SNAPC3: variants seen among roughly 807,000 people sequenced by gnomAD.
SNAPC3 encodes small nuclear RNA activating complex polypeptide 3, also known as snRNA-activating protein complex subunit 3.
Under a neutral mutation model 47.7 loss-of-function variants are expected in SNAPC3, and 56 were observed. That is an observed-to-expected ratio of 1.18 (90% confidence interval 0.95 to 1.47). The LOEUF (loss-of-function observed/expected upper bound fraction) is 1.47, where lower values mean the gene tolerates loss of function less well. SNAPC3 is among the 40% of genes most tolerant of loss of function. The pLI is 0.00. For missense variants in SNAPC3, 665 were observed against 511.3 expected, an observed-to-expected ratio of 1.30 and a Z score of -2.90; for synonymous variants, 235 against 189.9, an observed-to-expected ratio of 1.24 and a Z score of -1.95.
At chr9:15,424,544 C>T (rs770064028) in intron 2 of SNAPC3, among the ~76,000 whole-genome samples, 1 of 140,864 alleles carries the variant, frequency 7.1e-6, no homozygotes, top group Non-Finnish European at 1.5e-5. Context: ...AAAAGACAAA[C>T]ACAATATAAG....
chr9:15,424,451 T>C (rs1214907515), intron 2 of SNAPC3, among the ~76,000 whole-genome samples: 1 of 152,252 alleles, frequency 6.6e-6, no homozygotes, highest in East Asian at 1.9e-4. Context: ...AGGACAGTTC[T>C]TGTTTTTAAA....
chr9:15,459,279 C>A (rs1187577063), intron 8 of SNAPC3, among the ~76,000 whole-genome samples: 1 of 152,104 alleles, frequency 6.6e-6, no homozygotes, highest in Non-Finnish European at 1.5e-5. Flanking sequence ...ATATAGTTTT[C>A]AAATTAACCA....
At chr9:15,454,763 G>A (rs972849325) in intron 7 of SNAPC3, among the ~76,000 whole-genome samples, 2 of 152,020 alleles carry the variant, frequency 1.3e-5, no homozygotes, top group South Asian at 4.1e-4. Flanking sequence ...CAGTGAAAGC[G>A]TCTCTACTAA....
At chr9:15,434,582 A>G (rs1269391971) in intron 3 of SNAPC3, among the ~76,000 whole-genome samples, 1 of 151,596 alleles carries the variant, frequency 6.6e-6, no homozygotes, top group Non-Finnish European at 1.5e-5. Context: ...TCATTTTTGT[A>G]TTTTTAGTAG....
At position 15,458,047 on chromosome 9, in the gene SNAPC3, T is replaced by C; in HGVS notation, c.1068T>C (p.Val356=). The change falls in exon 8 of 9, where the codon GTT becomes GTC. Residue 356 remains valine (V), a synonymous_variant. Transcript: ENST00000380821. The part of the protein sequence containing the change: ...KHWLWTRKCF[V]CKMYTARWVT... ...GGCTATGGACCAGAAAATGTTTTGT[T>C]TGTAAAATGTATACAGCCAGGTGAG... The C allele has an allele frequency of 1.3e-6, 2 of 1,580,322 alleles. No homozygotes were observed. Among genetic ancestry groups the C allele is most frequent in the East Asian group, 2.3e-5 (1 of 43,810 alleles).
chr9:15,455,440 G>A (rs1308279766), intron 7 of SNAPC3, among the ~76,000 whole-genome samples: 1 of 152,064 alleles, frequency 6.6e-6, no homozygotes, highest in East Asian at 1.9e-4. Flanking sequence ...GGTGATGGGC[G>A]TCTGTAGTCC....
intron 3 of SNAPC3, among the ~76,000 whole-genome samples, chr9:15,441,378 C>CTTTTTTTTTT (rs1351664407): frequency 1.7e-4 from 7 of 40,524 alleles, no homozygotes; most frequent in African/African-American, 5.3e-4. Context: ...CAAGAGTTCC[C>CTTTTTTTTTT]TTTTCTTTTT....
Position 15,461,211 on chromosome 9 carries a change from G to A in SNAPC3, c.*1345G>A, listed in dbSNP as rs2035192377. ...GTCTTACTGTGTCACCCAGGCTGGAGTACAGTGGCGTGATCTTGGCTCACT... is the reference window on the plus strand; with the variant it reads ...GTCTTACTGTGTCACCCAGGCTGGAATACAGTGGCGTGATCTTGGCTCACT... On this transcript the variant is annotated 3_prime_UTR_variant, in exon 9 of 9. Coordinates refer to ENST00000380821, the MANE Select transcript of SNAPC3 (RefSeq NM_001039697.2). 6.6e-6 allele frequency: 1 copy of A among 151,836 alleles called. No homozygotes were observed. 9.4% of individuals were successfully genotyped at this position (151,836 alleles called of 1,614,324 possible).
downstream of SNAPC3, among the ~76,000 whole-genome samples, chr9:15,466,398 C>G (rs528806723): frequency 6.7e-6 from 1 of 149,468 alleles, no homozygotes; most frequent in South Asian, 2.1e-4. Flanking sequence ...ACAACAACAA[C>G]AAAACTGTGA....
At chr9:15,451,570 A>C (rs1464561492) in intron 6 of SNAPC3, among the ~76,000 whole-genome samples, 168 bp downstream of exon 6, 2 of 152,172 alleles carry the variant, frequency 1.3e-5, no homozygotes, top group African/African-American at 4.8e-5. Context: ...CAGACACAGT[A>C]GTCCCAGCCA....
intron 2 of SNAPC3, among the ~76,000 whole-genome samples, chr9:15,424,721 A>C (rs927773385): frequency 6.6e-6 from 1 of 152,204 alleles, no homozygotes; most frequent in African/African-American, 2.4e-5. Context: ...ATATAGAGAA[A>C]TTGTGCATGT....
At chr9:15,442,776 G>A (rs12399002) in intron 3 of SNAPC3, among the ~76,000 whole-genome samples, 8 of 152,224 alleles carry the variant, frequency 5.3e-5, no homozygotes, top group African/African-American at 1.9e-4. Context: ...GGTGGCGGCC[G>A]GGTACAGGCT....
At chr9:15,426,055 C>A (rs1162955630) in intron 2 of SNAPC3, among the ~76,000 whole-genome samples, 8 of 152,194 alleles carry the variant, frequency 5.3e-5, no homozygotes, top group Non-Finnish European at 1.0e-4. Flanking sequence ...CGGAGTTTCT[C>A]CATGTTGGTC....
intron 1 of SNAPC3, 77 bp downstream of exon 1, chr9:15,423,270 T>C (rs2030832968): frequency 7.2e-7 from 1 of 1,385,064 alleles, no homozygotes; most frequent in East Asian, 2.7e-5. Flanking sequence ...CCTCTGGGAC[T>C]CATCCCTGAG....
chr9:15,464,328 T>C (rs888278277), downstream of SNAPC3: 3 of 193,428 alleles, frequency 1.6e-5, no homozygotes, highest in East Asian at 1.6e-4. Flanking sequence ...GCCATTTTTT[T>C]CCATATTCAT....
intron 7 of SNAPC3, among the ~76,000 whole-genome samples, chr9:15,454,100 G>C (rs541660362): frequency 2.6e-5 from 4 of 152,194 alleles, no homozygotes; most frequent in African/African-American, 9.6e-5. Context: ...GAGCATAGTG[G>C]TGTGTGCCTG....
chr9:15,423,357 C>G (rs1026707024), intron 1 of SNAPC3, among the ~76,000 whole-genome samples, 164 bp downstream of exon 1: 1 of 152,202 alleles, frequency 6.6e-6, no homozygotes, highest in South Asian at 2.1e-4. Flanking sequence ...TCCTGGGACA[C>G]CAGGAGAAGT....
downstream of SNAPC3, chr9:15,463,938 AG>A (rs1034420160): frequency 2.5e-4 from 40 of 162,056 alleles, no homozygotes; most frequent in African/African-American, 8.8e-4. Flanking sequence ...CTTACTGTTT[AG>A]TTACCCCGTT....
chr9:15,449,941 C>T (rs2034268220), intron 5 of SNAPC3, among the ~76,000 whole-genome samples: 1 of 151,848 alleles, frequency 6.6e-6, no homozygotes, highest in Non-Finnish European at 1.5e-5. Context: ...AATAATTATG[C>T]CAAAAGATAG....
Sources: gnomAD v4.1 joint callset for allele counts (sites outside exome capture counted in the v4.1 genomes callset) on GRCh38, gnomAD v4.1.1 for gene constraint, MANE v1.5 for transcripts, NCBI Gene and HGNC (gene_info 2026-07-23, HGNC 2026-07-21) for gene names.